THSD4: variants seen among roughly 807,000 people sequenced by gnomAD.
THSD4 encodes the protein thrombospondin type 1 domain containing 4.
A neutral mutation model predicts 119.0 loss-of-function variants in THSD4; 69 were observed. The ratio of observed to expected loss-of-function variants is 0.58; its 90% confidence interval spans 0.48 to 0.71. The LOEUF is 0.71. Among genes scored for constraint, THSD4 ranks in the 30% least tolerant of loss-of-function variants. THSD4 has a pLI of 0.00. For synonymous variants in THSD4, 524 were observed against 540.4 expected (o/e 0.97, Z 0.42); for missense variants, 1,393 against 1,391.1 (o/e 1.00, Z -0.02).
intron 6 of THSD4, among the ~76,000 whole-genome samples, chr15:71,316,999 T>C (rs2045196281): frequency 6.6e-6 from 1 of 152,210 alleles, no homozygotes; most frequent in Non-Finnish European, 1.5e-5. Flanking sequence ...CCTGAAGTTT[T>C]AAAAAGATTG....
At chr15:71,715,772 TG>T (rs956791339) in intron 8 of THSD4, among the ~76,000 whole-genome samples, 1 of 64,622 alleles carries the variant, frequency 1.5e-5, no homozygotes, top group African/African-American at 3.1e-5. Context: ...AATTAGGCTC[TG>T]GGTTTTTTTT....
chr15:71,660,400 A>G, intron 7 of THSD4, 130 bp from the exon 8 acceptor site: 1 of 1,084,538 alleles, frequency 9.2e-7, no homozygotes. Flanking sequence ...TGTGGCTCCC[A>G]CCCCACTCCT....
intron 9 of THSD4, chr15:71,728,941 T>G: frequency 1.7e-6 from 1 of 598,312 alleles, no homozygotes; most frequent in Non-Finnish European, 2.9e-6. Flanking sequence ...CACCAGATGC[T>G]TATTACCTTC....
intron 3 of THSD4, among the ~76,000 whole-genome samples, chr15:71,209,392 A>G (rs1283147158): frequency 6.6e-6 from 1 of 152,256 alleles, no homozygotes; most frequent in African/African-American, 2.4e-5. Context: ...ATGGAAATAT[A>G]CATCCTTGAA....
At chr15:71,501,468 C>G (rs1472860281) in intron 7 of THSD4, among the ~76,000 whole-genome samples, 2 of 152,130 alleles carry the variant, frequency 1.3e-5, no homozygotes, top group African/African-American at 4.8e-5. Context: ...TCTCAATCTC[C>G]CCTCCCTTTC....
At chr15:71,248,237 C>A (rs1467488666) in intron 5 of THSD4, among the ~76,000 whole-genome samples, 2 of 152,290 alleles carry the variant, frequency 1.3e-5, no homozygotes, top group African/African-American at 2.4e-5. Flanking sequence ...ACTATGATCA[C>A]ACCACTGCAC....
chr15:71,105,194 G>T (rs2415106), intron 1 of THSD4, among the ~76,000 whole-genome samples: 5 of 152,006 alleles, frequency 3.3e-5, no homozygotes, highest in African/African-American at 1.2e-4. Flanking sequence ...CAATCACCAG[G>T]CCAGGTCTCT....
intron 6 of THSD4, among the ~76,000 whole-genome samples, chr15:71,288,028 C>T (rs1258382716): frequency 6.6e-6 from 1 of 152,114 alleles, no homozygotes; most frequent in African/African-American, 2.4e-5. Context: ...AGATAGGCCA[C>T]CTACAAAGTG....
intron 7 of THSD4, among the ~76,000 whole-genome samples, chr15:71,611,405 C>T (rs2050223166): frequency 6.6e-6 from 1 of 152,204 alleles, no homozygotes; most frequent in Non-Finnish European, 1.5e-5. Flanking sequence ...TTGCTGCTGC[C>T]TACTTCCTGC....
intron 6 of THSD4, among the ~76,000 whole-genome samples, chr15:71,343,382 A>G (rs1459487544): frequency 6.6e-6 from 1 of 152,236 alleles, no homozygotes. Context: ...GTATGCCATG[A>G]CAGATGACTG....
intron 14 of THSD4, among the ~76,000 whole-genome samples, chr15:71,752,684 A>G (rs2053468970): frequency 6.6e-6 from 1 of 152,164 alleles, no homozygotes; most frequent in South Asian, 2.1e-4. Flanking sequence ...AGTTTTTTCA[A>G]CTGTAACATT....
chr15:71,165,374 A>G (rs2043285986), intron 3 of THSD4: 2 of 1,489,886 alleles, frequency 1.3e-6, no homozygotes, highest in South Asian at 1.1e-5. Flanking sequence ...AATGCATATG[A>G]TGACATTTTG....
At chr15:71,246,886 C>CTTTTT (rs67700872) in intron 5 of THSD4, among the ~76,000 whole-genome samples, 2 of 114,510 alleles carry the variant, frequency 1.7e-5, no homozygotes, top group African/African-American at 6.8e-5. Flanking sequence ...GGTCCAAAGT[C>CTTTTT]TTTTTTTTTT....
chr15:71,451,848 T>C (rs1193116294), intron 7 of THSD4, among the ~76,000 whole-genome samples: 1 of 152,110 alleles, frequency 6.6e-6, no homozygotes, highest in African/African-American at 2.4e-5. Flanking sequence ...GAGGGTGTGC[T>C]CCCCATTGTT....
intron 8 of THSD4, among the ~76,000 whole-genome samples, chr15:71,672,846 T>C (rs2051560906): frequency 6.6e-6 from 1 of 152,246 alleles, no homozygotes; most frequent in Admixed American, 6.5e-5. Context: ...GCCAACTTGA[T>C]CTTAGAGGAT....
intron 4 of THSD4, among the ~76,000 whole-genome samples, chr15:71,239,639 G>A (rs1369416590): frequency 6.6e-6 from 1 of 152,184 alleles, no homozygotes; most frequent in African/African-American, 2.4e-5. Context: ...ATGGGTTCTG[G>A]GGAGACTAAG....
At chr15:71,141,173 AC>A (rs980011303) in intron 1 of THSD4, among the ~76,000 whole-genome samples, 3 of 152,240 alleles carry the variant, frequency 2.0e-5, no homozygotes, top group African/African-American at 7.2e-5. Context: ...TGTGCCTAGC[AC>A]CAGCTCCCCT....
At chr15:71,220,570 C>T (rs1012415932) in intron 4 of THSD4, among the ~76,000 whole-genome samples, 19 of 152,228 alleles carry the variant, frequency 1.2e-4, no homozygotes, top group Middle Eastern at 3.4e-3. Context: ...TTGCCTGGCC[C>T]ATAGTGGACA....
intron 14 of THSD4, among the ~76,000 whole-genome samples, chr15:71,752,926 C>G (rs2053474491): frequency 2.0e-5 from 3 of 152,164 alleles, no homozygotes; most frequent in Admixed American, 2.0e-4. Flanking sequence ...AAGCTTTAGT[C>G]TGAACTATGA....
Sources: gnomAD v4.1 joint callset for allele counts (sites outside exome capture counted in the v4.1 genomes callset) on GRCh38, gnomAD v4.1.1 for gene constraint, MANE v1.5 for transcripts, NCBI Gene and HGNC (gene_info 2026-07-23, HGNC 2026-07-21) for gene names.